Variants in MECOM observed in about 807,000 individuals in gnomAD.
MECOM encodes MDS1 and EVI1 complex locus, also known as histone-lysine N-methyltransferase MECOM.
In MECOM, 13 loss-of-function variants were observed where a neutral mutation model predicts 116.3. The observed-to-expected ratio is 0.11, with a 90% CI of 0.07 to 0.18. The LOEUF is 0.18. Ranked by LOEUF, MECOM falls within the 10% of genes least tolerant of loss-of-function variation. MECOM has a pLI of 1.00. For missense variants in MECOM, 1,299 were observed against 1,509.0 expected (o/e 0.86, Z 2.31); for synonymous variants, 528 against 535.2 (o/e 0.99, Z 0.19).
chr3:169,365,975 A>T (rs1330483928), intron 2 of MECOM, among the ~76,000 whole-genome samples: 1 of 151,990 alleles, frequency 6.6e-6, no homozygotes, highest in African/African-American at 2.4e-5. Context: ...AAGCCTTAGT[A>T]AGGTAATGGA....
intron 7 of MECOM, 43 bp downstream of exon 7, chr3:169,121,013 A>C: frequency 7.7e-6 from 12 of 1,554,648 alleles, no homozygotes; most frequent in Middle Eastern, 1.8e-4. Flanking sequence ...CTTTTGGGGA[A>C]GAGACAGATG....
intron 2 of MECOM, among the ~76,000 whole-genome samples, chr3:169,264,137 A>T (rs73879042): frequency 0.018 from 2,755 of 152,314 alleles, 81 homozygotes; most frequent in African/African-American, 0.064. Context: ...ATGTTATGAC[A>T]TACTACTTAA....
intron 2 of MECOM, among the ~76,000 whole-genome samples, chr3:169,296,191 C>T (rs1410193048): frequency 1.3e-5 from 2 of 152,146 alleles, no homozygotes; most frequent in Non-Finnish European, 2.9e-5. Flanking sequence ...TTTCCCCCTC[C>T]AGCTATGGGA....
At chr3:169,203,130 C>T (rs1278292837) in intron 2 of MECOM, among the ~76,000 whole-genome samples, 2 of 152,070 alleles carry the variant, frequency 1.3e-5, no homozygotes, top group East Asian at 1.9e-4. Context: ...ACTTCGTTGG[C>T]GCCATTGATT....
At chr3:169,156,290 C>T (rs1380586099) in intron 2 of MECOM, among the ~76,000 whole-genome samples, 1 of 152,194 alleles carries the variant, frequency 6.6e-6, no homozygotes, top group Admixed American at 6.5e-5. Flanking sequence ...GACCAGGCAT[C>T]ATCGTAGGTA....
chr3:169,656,408 A>G (rs1191476527), intron 1 of MECOM, among the ~76,000 whole-genome samples: 1 of 152,114 alleles, frequency 6.6e-6, no homozygotes, highest in African/African-American at 2.4e-5. Context: ...TTGCTAATGA[A>G]TAAGAATAAT....
intron 5 of MECOM, among the ~76,000 whole-genome samples, chr3:169,126,275 G>A (rs1179066248): frequency 1.3e-5 from 2 of 152,064 alleles, no homozygotes; most frequent in Non-Finnish European, 2.9e-5. Context: ...TACACTCTTA[G>A]TAGAAAGTAA....
intron 2 of MECOM, among the ~76,000 whole-genome samples, chr3:169,281,593 T>A (rs1344987663): frequency 6.6e-6 from 1 of 152,114 alleles, no homozygotes; most frequent in Non-Finnish European, 1.5e-5. Context: ...GGTGGATAGC[T>A]TGAGCTCAAG....
At chr3:169,433,681 GAA>G (rs769084179) in intron 1 of MECOM, among the ~76,000 whole-genome samples, 2 of 148,900 alleles carry the variant, frequency 1.3e-5, no homozygotes, top group African/African-American at 2.5e-5. Context: ...AAGAAAGAAA[GAA>G]AGAAAGAGAA....
chr3:169,552,812 T>C (rs1039029838), intron 1 of MECOM, among the ~76,000 whole-genome samples: 5 of 151,804 alleles, frequency 3.3e-5, no homozygotes, highest in African/African-American at 1.2e-4. Flanking sequence ...CTCCTCCTGA[T>C]TTTTAAAGTG....
intron 9 of MECOM, among the ~76,000 whole-genome samples, chr3:169,108,442 CATAGGA>C (rs1726181382): frequency 6.6e-6 from 1 of 152,098 alleles, no homozygotes; most frequent in African/African-American, 2.4e-5. Context: ...TTTTTATTAG[CATAGGA>C]CTCAGACCAT....
chr3:169,172,992 A>G (rs1363820449), intron 2 of MECOM, among the ~76,000 whole-genome samples: 2 of 152,180 alleles, frequency 1.3e-5, no homozygotes, highest in Non-Finnish European at 2.9e-5. Context: ...TAATTATTAT[A>G]TTTACACAAA....
intron 1 of MECOM, among the ~76,000 whole-genome samples, chr3:169,646,114 T>G (rs949883038): frequency 2.0e-5 from 3 of 152,102 alleles, no homozygotes; most frequent in African/African-American, 7.2e-5. Context: ...GGTGTATATG[T>G]ACCACATTTT....
intron 1 of MECOM, among the ~76,000 whole-genome samples, chr3:169,400,660 G>C (rs764389950): frequency 1.3e-5 from 2 of 152,184 alleles, no homozygotes; most frequent in Admixed American, 6.5e-5. Context: ...GGTCTGGAAT[G>C]ATCAAGAATG....
chr3:169,220,205 T>C (rs1380569624), intron 2 of MECOM, among the ~76,000 whole-genome samples: 3 of 151,990 alleles, frequency 2.0e-5, no homozygotes, highest in African/African-American at 7.2e-5. Flanking sequence ...TGGTGCACAC[T>C]GGTAGTACAG....
chr3:169,111,469 CCA>C (rs1428639797), intron 9 of MECOM, among the ~76,000 whole-genome samples: 4 of 152,176 alleles, frequency 2.6e-5, no homozygotes, highest in African/African-American at 9.6e-5. Context: ...GTGCTACATT[CCA>C]GTTTATTAGC....
chr3:169,362,159 T>C (rs1027766694), intron 2 of MECOM, among the ~76,000 whole-genome samples: 1 of 151,928 alleles, frequency 6.6e-6, no homozygotes, highest in African/African-American at 2.4e-5. Flanking sequence ...TAAAAGTAAT[T>C]GCAGTTTTGC....
chr3:169,466,147 A>C (rs2108761120), intron 1 of MECOM, among the ~76,000 whole-genome samples: 1 of 152,316 alleles, frequency 6.6e-6, no homozygotes, highest in South Asian at 2.1e-4. Context: ...ATCCGTTACT[A>C]TTGCTGGGTT....
chr3:169,610,521 G>GTA (rs1342103114), intron 1 of MECOM, among the ~76,000 whole-genome samples: 48 of 133,046 alleles, frequency 3.6e-4, no homozygotes, highest in African/African-American at 8.2e-4. Context: ...GTGTGTGTGT[G>GTA]TGTGTGTATA....
Sources: gnomAD v4.1 joint callset for allele counts (sites outside exome capture counted in the v4.1 genomes callset) on GRCh38, gnomAD v4.1.1 for gene constraint, MANE v1.5 for transcripts, NCBI Gene and HGNC (gene_info 2026-07-23, HGNC 2026-07-21) for gene names.